DPP6: variants seen among roughly 807,000 people sequenced by gnomAD.
The protein encoded by DPP6 is dipeptidyl peptidase like 6, also known as A-type potassium channel modulatory protein DPP6.
Under a neutral mutation model 122.6 loss-of-function variants are expected in DPP6, and 69 were observed. That is an observed-to-expected ratio of 0.56 (90% CI 0.46 to 0.69). DPP6 has a LOEUF of 0.69. Among genes scored for constraint, DPP6 ranks in the 30% least tolerant of loss-of-function variants. The pLI is 0.00. For synonymous variants in DPP6, 418 were observed against 433.1 expected, an observed-to-expected ratio of 0.97 and a Z score of 0.43; for missense variants, 928 against 1,116.9, an observed-to-expected ratio of 0.83 and a Z score of 2.41.
At chr7:154,337,524 C>T (rs1010456361) in intron 1 of DPP6, among the ~76,000 whole-genome samples, 1 of 152,208 alleles carries the variant, frequency 6.6e-6, no homozygotes, top group African/African-American at 2.4e-5. Context: ...CTACCGGACT[C>T]AGTGGCAAAT....
chr7:154,395,972 G>A (rs868070761), intron 1 of DPP6, among the ~76,000 whole-genome samples: 5 of 149,268 alleles, frequency 3.3e-5, no homozygotes, highest in African/African-American at 4.9e-5. Context: ...ATCATAAAGC[G>A]CTGTTGAATT....
At chr7:154,635,422 C>G (rs960742041) in intron 5 of DPP6, among the ~76,000 whole-genome samples, 1 of 152,308 alleles carries the variant, frequency 6.6e-6, no homozygotes, top group Non-Finnish European at 1.5e-5. Flanking sequence ...ACTATTTTAA[C>G]AAGGAATTTA....
chr7:154,438,284 G>A (rs551048651), intron 1 of DPP6, among the ~76,000 whole-genome samples: 31 of 151,846 alleles, frequency 2.0e-4, no homozygotes, highest in South Asian at 6.3e-4. Flanking sequence ...TGGCTGACAC[G>A]GTGAAACCCC....
chr7:154,609,823 G>T (rs1392871479), intron 5 of DPP6, among the ~76,000 whole-genome samples: 1 of 141,864 alleles, frequency 7.0e-6, no homozygotes, highest in Non-Finnish European at 1.6e-5. Context: ...AGAATTTCCA[G>T]TTAATGTATT....
At chr7:154,135,753 A>G (rs1457503133) in intron 1 of DPP6, among the ~76,000 whole-genome samples, 3 of 145,512 alleles carry the variant, frequency 2.1e-5, no homozygotes, top group Non-Finnish European at 4.5e-5. Flanking sequence ...CACACTTCCT[A>G]TCTGTGCACT....
chr7:153,874,370 A>C, the DPP6 span, among the ~76,000 whole-genome samples: 1 of 152,082 alleles, frequency 6.6e-6, no homozygotes, highest in Non-Finnish European at 1.5e-5. Flanking sequence ...TAAAATACAG[A>C]GTTATTATTA....
At chr7:154,623,811 A>G (rs1834893019) in intron 5 of DPP6, among the ~76,000 whole-genome samples, 1 of 152,288 alleles carries the variant, frequency 6.6e-6, no homozygotes, top group Non-Finnish European at 1.5e-5. Flanking sequence ...TATGTATAGC[A>G]TTTAATTGAT....
intron 8 of DPP6, among the ~76,000 whole-genome samples, chr7:154,763,701 G>A (rs1004146731): frequency 1.3e-5 from 2 of 152,206 alleles, no homozygotes; most frequent in African/African-American, 4.8e-5. Context: ...AACTCTTAGA[G>A]AAACAGCAGC....
chr7:154,317,855 T>C (rs1807568694), intron 1 of DPP6, among the ~76,000 whole-genome samples: 2 of 152,334 alleles, frequency 1.3e-5, no homozygotes, highest in South Asian at 4.1e-4. Context: ...AGACAGTAAT[T>C]GAATCCAATA....
At chr7:153,916,226 G>T (rs983912748) in intron 1 of DPP6, among the ~76,000 whole-genome samples, 4 of 151,918 alleles carry the variant, frequency 2.6e-5, no homozygotes, top group Non-Finnish European at 4.4e-5. Context: ...TCCCACCTTG[G>T]CCTCACAAAG....
intron 1 of DPP6, among the ~76,000 whole-genome samples, chr7:154,360,972 G>C (rs1441420963): frequency 6.6e-6 from 1 of 152,176 alleles, no homozygotes; most frequent in Non-Finnish European, 1.5e-5. Flanking sequence ...ATCAGATGCT[G>C]AACTCCATGG....
chr7:154,319,390 G>A (rs1292257375), intron 1 of DPP6, among the ~76,000 whole-genome samples: 1 of 152,196 alleles, frequency 6.6e-6, no homozygotes, highest in Non-Finnish European at 1.5e-5. Flanking sequence ...CTTAGCACCA[G>A]TGCTAACAAA....
At chr7:154,198,136 A>G (rs1798965538) in intron 1 of DPP6, among the ~76,000 whole-genome samples, 1 of 151,836 alleles carries the variant, frequency 6.6e-6, no homozygotes, top group Admixed American at 6.6e-5. Flanking sequence ...TGTCATATGG[A>G]TCCTGCTTGA....
chr7:153,757,674 T>G, the DPP6 span, among the ~76,000 whole-genome samples: 3 of 152,158 alleles, frequency 2.0e-5, no homozygotes, highest in African/African-American at 7.2e-5. Context: ...GAAAGAACCA[T>G]GGGCCGGGCA....
intron 1 of DPP6, chr7:154,058,389 C>G (rs1219178983): frequency 6.7e-6 from 1 of 148,778 alleles, no homozygotes; most frequent in Non-Finnish European, 1.5e-5. Flanking sequence ...CTGAGGACCC[C>G]CATCGCAGGA....
intron 1 of DPP6, among the ~76,000 whole-genome samples, chr7:154,375,050 G>A (rs1449986223): frequency 6.6e-6 from 1 of 152,202 alleles, no homozygotes; most frequent in Non-Finnish European, 1.5e-5. Flanking sequence ...ACATGGGCTT[G>A]CAAACCGTGA....
intron 7 of DPP6, among the ~76,000 whole-genome samples, chr7:154,684,043 A>AT (rs1586883932): frequency 6.6e-6 from 1 of 151,822 alleles, no homozygotes; most frequent in African/African-American, 2.4e-5. Flanking sequence ...TAGTTCTTGT[A>AT]TTTTTTGTAG....
intron 3 of DPP6, among the ~76,000 whole-genome samples, chr7:154,497,856 A>C (rs886593533): frequency 6.6e-6 from 1 of 152,052 alleles, no homozygotes; most frequent in Admixed American, 6.6e-5. Flanking sequence ...CATCTCACTT[A>C]TCTCCTTACA....
At chr7:153,863,862 G>C in the DPP6 span, among the ~76,000 whole-genome samples, 1 of 152,124 alleles carries the variant, frequency 6.6e-6, no homozygotes, top group East Asian at 1.9e-4. Flanking sequence ...TTTCATTTAG[G>C]ATGAAATGTT....
Sources: gnomAD v4.1 joint callset for allele counts (sites outside exome capture counted in the v4.1 genomes callset) on GRCh38, gnomAD v4.1.1 for gene constraint, MANE v1.5 for transcripts, NCBI Gene and HGNC (gene_info 2026-07-23, HGNC 2026-07-21) for gene names.